Variants in DPH6 observed in about 807,000 individuals in gnomAD.
DPH6 encodes the protein diphthamine biosynthesis 6.
Under a neutral mutation model 38.2 loss-of-function variants are expected in DPH6, and 33 were observed. The observed-to-expected ratio is 0.86, with a 90% CI of 0.65 to 1.15. The LOEUF (loss-of-function observed/expected upper bound fraction) is 1.15. Among genes scored for constraint, DPH6 ranks in the 50% most tolerant of loss-of-function variants. The pLI, the probability that DPH6 is intolerant of heterozygous loss-of-function variation, is 0.00. For missense variants in DPH6, 325 were observed against 320.0 expected, an observed-to-expected ratio of 1.02 and a Z score of -0.12; for synonymous variants, 108 against 103.0, an observed-to-expected ratio of 1.05 and a Z score of -0.30.
At chr15:35,146,205 T>C in the DPH6 span, among the ~76,000 whole-genome samples, 1 of 152,108 alleles carries the variant, frequency 6.6e-6, no homozygotes, top group Non-Finnish European at 1.5e-5. Flanking sequence ...GTTACTTTTA[T>C]GATAGATAAA....
the DPH6 span, among the ~76,000 whole-genome samples, chr15:35,167,247 A>C: frequency 6.6e-6 from 1 of 152,056 alleles, no homozygotes; most frequent in Non-Finnish European, 1.5e-5. Context: ...GAGCAACAGC[A>C]ACAACTTGCA....
At chr15:35,469,538 T>C (rs1417621830) in intron 3 of DPH6, among the ~76,000 whole-genome samples, 3 of 152,186 alleles carry the variant, frequency 2.0e-5, no homozygotes, top group Non-Finnish European at 4.4e-5. Context: ...TAATAGATTC[T>C]GGTGTTATAT....
intron 5 of DPH6, among the ~76,000 whole-genome samples, chr15:35,425,194 G>A (rs1403871764): frequency 6.6e-6 from 1 of 151,540 alleles, no homozygotes; most frequent in East Asian, 1.9e-4. Flanking sequence ...AGCTAAGATA[G>A]TATGTCTCAC....
At chr15:35,455,481 T>C (rs771739625) in intron 3 of DPH6, among the ~76,000 whole-genome samples, 6 of 152,108 alleles carry the variant, frequency 3.9e-5, no homozygotes, top group Non-Finnish European at 8.8e-5. Context: ...TGGAGGAGAA[T>C]GTAAATTCAA....
At chr15:35,225,482 T>G (rs1482598213) in intron 3 of DPH6, among the ~76,000 whole-genome samples, 4 of 152,214 alleles carry the variant, frequency 2.6e-5, no homozygotes, top group Admixed American at 2.6e-4. Context: ...CTTTAAATTT[T>G]GTTGCTAAAA....
chr15:35,333,356 G>A (rs1197219602), intron 3 of DPH6, among the ~76,000 whole-genome samples: 1 of 152,078 alleles, frequency 6.6e-6, no homozygotes, highest in Admixed American at 6.6e-5. Context: ...GTTAGGCTAC[G>A]AATTGCTCAA....
In DPH6 at chr15:35,242,415, G is replaced by C. The variant is rs1173970317; in HGVS notation, n.201-21833C>G. Reference sequence around the variant, plus strand: ...CTGTTTTAGCCTAGCCCTCATGTCTGCCTGCAGCGGCTGCCGCTGCTTTAA... The same window carrying C: ...CTGTTTTAGCCTAGCCCTCATGTCTCCCTGCAGCGGCTGCCGCTGCTTTAA... On this transcript the variant is annotated intron_variant and non_coding_transcript_variant, in intron 3 of 3. Transcript: ENST00000560386. 1.4e-5 allele frequency among the ~76,000 whole-genome samples: 2 copies of C among 142,630 alleles called. 1 individual carries two copies. Among genetic ancestry groups the C allele is most frequent in the African/African-American group, 5.1e-5 (2 of 39,080 alleles). The allele number at this position is 142,630 out of a possible 152,430, so 93.6% of individuals were successfully genotyped here.
rs758334881 is a variant in DPH6 at position 35,371,607 on chromosome 15, T to C, written c.*543A>G. Reference sequence around the variant, plus strand: ...AGCATTTTAAAAATCAGTTATAAAATAACTTGTAAGAGTTAAGGACATTCT... The same window carrying C: ...AGCATTTTAAAAATCAGTTATAAAACAACTTGTAAGAGTTAAGGACATTCT... On this transcript the variant is annotated 3_prime_UTR_variant, in exon 9 of 9. Transcript: ENST00000256538. The C allele has an allele frequency of 4.0e-5, 39 of 983,410 alleles. No homozygotes were observed. Among genetic ancestry groups the C allele is most frequent in the Non-Finnish European group, 4.7e-5 (39 of 828,278 alleles). 60.9% of individuals were successfully genotyped at this position (983,410 alleles called of 1,614,324 possible).
intron 3 of DPH6, among the ~76,000 whole-genome samples, chr15:35,264,718 ACATTCATT>A (rs982263079): frequency 2.0e-5 from 3 of 152,224 alleles, no homozygotes; most frequent in Admixed American, 6.5e-5. Context: ...GTTCATTTGT[ACATTCATT>A]CATTCATTCA....
intron 5 of DPH6, among the ~76,000 whole-genome samples, chr15:35,425,371 A>C (rs2141020894): frequency 6.6e-6 from 1 of 151,744 alleles, no homozygotes; most frequent in African/African-American, 2.4e-5. Flanking sequence ...ATTATCATGA[A>C]AGCTATTATA....
chr15:35,161,352 G>A, the DPH6 span, among the ~76,000 whole-genome samples: 1 of 151,658 alleles, frequency 6.6e-6, no homozygotes. Context: ...AAATCTTTAT[G>A]AGAAGCCTTC....
chr15:35,397,859 T>TTATA (rs60188110), intron 6 of DPH6, among the ~76,000 whole-genome samples: 43,291 of 112,040 alleles, frequency 0.39, 9,261 homozygotes, highest in Non-Finnish European at 0.46. Context: ...TGGAATCAAT[T>TTATA]TATATATATA....
chr15:35,360,209 C>T (rs2140905485), intron 3 of DPH6, among the ~76,000 whole-genome samples: 1 of 152,278 alleles, frequency 6.6e-6, no homozygotes, highest in East Asian at 1.9e-4. Flanking sequence ...GGGCTGCCTC[C>T]AAGATCACGA....
At chr15:35,174,180 A>C in the DPH6 span, among the ~76,000 whole-genome samples, 1 of 152,210 alleles carries the variant, frequency 6.6e-6, no homozygotes. Flanking sequence ...GAATGAATAA[A>C]TTGAGAAAAT....
intron 3 of DPH6, among the ~76,000 whole-genome samples, chr15:35,471,708 C>T (rs59909068): frequency 0.11 from 16,016 of 152,232 alleles, 1,378 homozygotes; most frequent in African/African-American, 0.24. Flanking sequence ...TGTAATCCTA[C>T]TCATTCTTCA....
intron 3 of DPH6, among the ~76,000 whole-genome samples, chr15:35,511,097 C>T (rs2054763435): frequency 6.6e-6 from 1 of 152,118 alleles, no homozygotes; most frequent in Admixed American, 6.6e-5. Context: ...AAATCTCAGG[C>T]TCCATCCAGA....
At chr15:35,147,955 C>T in the DPH6 span, among the ~76,000 whole-genome samples, 3 of 152,310 alleles carry the variant, frequency 2.0e-5, no homozygotes, top group Admixed American at 2.0e-4. Flanking sequence ...CATTTGACAG[C>T]TCTGAACGAT....
intron 3 of DPH6, among the ~76,000 whole-genome samples, chr15:35,280,576 C>T (rs938622889): frequency 1.3e-5 from 2 of 152,236 alleles, no homozygotes; most frequent in Middle Eastern, 3.4e-3. Context: ...GATAATAATG[C>T]AAATGTGAAA....
chr15:35,263,160 T>A (rs566113830), intron 3 of DPH6, among the ~76,000 whole-genome samples: 92 of 152,246 alleles, frequency 6.0e-4, no homozygotes, highest in African/African-American at 2.2e-3. Context: ...TAGTTTATCA[T>A]AGAGCTACTA....
Sources: gnomAD v4.1 joint callset for allele counts (sites outside exome capture counted in the v4.1 genomes callset) on GRCh38, gnomAD v4.1.1 for gene constraint, MANE v1.5 for transcripts, NCBI Gene and HGNC (gene_info 2026-07-23, HGNC 2026-07-21) for gene names.